Variants in SVIL observed in about 807,000 individuals in gnomAD.
The protein encoded by SVIL is archvillin.
Under a neutral mutation model 240.4 loss-of-function variants are expected in SVIL, and 101 were observed. The ratio of observed to expected loss-of-function variants is 0.42; its 90% CI spans 0.36 to 0.50. The LOEUF (loss-of-function observed/expected upper bound fraction) is 0.50. Among genes scored for constraint, SVIL ranks in the 20% least tolerant of loss-of-function variants. The pLI, the probability that SVIL is intolerant of heterozygous loss-of-function variation, is 0.01. For missense variants in SVIL, 2,512 were observed against 2,818.7 expected (o/e 0.89, Z 2.46); for synonymous variants, 999 against 1,100.0 (o/e 0.91, Z 1.82).
At chr10:29,539,094 G>A (rs1045305170) in intron 6 of SVIL, among the ~76,000 whole-genome samples, 1 of 152,154 alleles carries the variant, frequency 6.6e-6, no homozygotes, top group African/African-American at 2.4e-5. Context: ...GAGCCCAGGA[G>A]TTTGAGGCTG....
chr10:29,707,987 G>C (rs1201846137), intron 1 of SVIL, among the ~76,000 whole-genome samples: 1 of 152,110 alleles, frequency 6.6e-6, no homozygotes, highest in South Asian at 2.1e-4. Context: ...GCCATGCGCG[G>C]TGGCTCACGC....
At chr10:29,721,878 A>G (rs1964003100) in intron 1 of SVIL, among the ~76,000 whole-genome samples, 1 of 152,178 alleles carries the variant, frequency 6.6e-6, no homozygotes, top group Non-Finnish European at 1.5e-5. Context: ...AACTAGTGCT[A>G]TTTTGTCTGG....
intron 27 of SVIL, among the ~76,000 whole-genome samples, chr10:29,482,028 T>TC (rs1946927602): frequency 2.0e-5 from 1 of 50,404 alleles, no homozygotes; most frequent in Non-Finnish European, 3.1e-5. Context: ...TTTCTTTTTT[T>TC]TTTTTTTTTT....
chr10:29,550,572 T>A, intron 6 of SVIL, 25 bp downstream of exon 6: 3 of 1,569,426 alleles, frequency 1.9e-6, no homozygotes, highest in Non-Finnish European at 2.6e-6. Context: ...GCGTTCAGGG[T>A]GCTTAGCGTG....
chr10:29,712,559 G>A (rs1460098515), intron 1 of SVIL, among the ~76,000 whole-genome samples: 1 of 152,182 alleles, frequency 6.6e-6, no homozygotes, highest in Non-Finnish European at 1.5e-5. Flanking sequence ...CAGCAGAATC[G>A]TGAGCCAAAT....
chr10:29,619,620 A>G (rs897889227), intron 1 of SVIL, among the ~76,000 whole-genome samples: 1 of 114,410 alleles, frequency 8.7e-6, no homozygotes, highest in Admixed American at 9.3e-5. Flanking sequence ...GGCAATATCT[A>G]TTTTTAAAGG....
chr10:29,504,382 T>C (rs1949112917), intron 17 of SVIL, among the ~76,000 whole-genome samples: 1 of 152,124 alleles, frequency 6.6e-6, no homozygotes, highest in Admixed American at 6.5e-5. Context: ...TAAAAGACAC[T>C]GTTAAAAGAA....
Position 29,729,331 on chromosome 10 carries a change from C to T in SVIL, c.-400+6420G>A, listed in dbSNP as rs73596081. Among the ~76,000 whole-genome samples, 439 of 152,158 alleles carry T rather than the reference C, an allele frequency of 2.9e-3. 1 individual carries two copies. Among genetic ancestry groups the T allele is most frequent in the African/African-American group, 0.01 (429 of 41,504 alleles). On this transcript the variant is annotated intron_variant, in intron 1 of 35. Coordinates refer to the SVIL transcript ENST00000375400. ...TCAAGAATTTTGTAGCATCCCAAGA[C>T]ATTAAGCAGGAGGAAAAAGTTTGAT... is the stretch of plus-strand genomic sequence containing the variant.
At chr10:29,514,777 A>T (rs550685748) in intron 16 of SVIL, among the ~76,000 whole-genome samples, 5 of 152,292 alleles carry the variant, frequency 3.3e-5, no homozygotes, top group Admixed American at 1.3e-4. Flanking sequence ...CACATCAGGA[A>T]CTGGTCAGAT....
intron 3 of SVIL, among the ~76,000 whole-genome samples, chr10:29,562,425 A>G (rs879526218): frequency 2.6e-5 from 4 of 152,238 alleles, no homozygotes; most frequent in African/African-American, 7.2e-5. Flanking sequence ...TAAAGTCTGC[A>G]CGGGCTGTTC....
chr10:29,660,929 G>A (rs565017859), intron 2 of SVIL, among the ~76,000 whole-genome samples: 1 of 152,134 alleles, frequency 6.6e-6, no homozygotes. Flanking sequence ...AGCACTCTGC[G>A]AGGCTGAGAT....
rs149362990 is a variant in SVIL at position 29,495,872 on chromosome 10, G to A, written c.3665-691C>T. ...TCCTGCATGGAGAAAGTATCCAGCT[G>A]GAAGAAGAAAACTTAGTAAACAGAA... On this transcript the variant is annotated intron_variant, in intron 18 of 37. Coordinates refer to ENST00000355867, the MANE Select transcript of SVIL (RefSeq NM_021738.3). Among the ~76,000 whole-genome samples, 570 of 152,224 alleles carry A rather than the reference G, an allele frequency of 3.7e-3. 5 individuals carry two copies. The highest frequency in any genetic ancestry group is 0.013 in the African/African-American group (543 of 41,526).
At chr10:29,515,787 C>A (rs1247559767) in intron 16 of SVIL, among the ~76,000 whole-genome samples, 10 of 152,198 alleles carry the variant, frequency 6.6e-5, no homozygotes, top group Admixed American at 1.3e-4. Context: ...AAGTCTGGGG[C>A]AAGGACACCA....
At position 29,707,300 on chromosome 10, in the gene SVIL, AC is replaced by A. The variant is rs1403901360; in HGVS notation, c.-399-20650del. 2.6e-5 allele frequency among the ~76,000 whole-genome samples: 4 copies of A among 151,912 alleles called. No homozygotes were observed. In the East Asian group the frequency reaches 7.8e-4, roughly 29 times the overall value. On this transcript the variant is annotated intron_variant, in intron 1 of 35. Coordinates refer to the SVIL transcript ENST00000375400. Reference sequence around the variant, plus strand: ...GGAAAGTTTTTCCATTTGTTTGTGTACTCTCTTATTTCCTTGAGCAGTGGTT... The same window carrying A: ...GGAAAGTTTTTCCATTTGTTTGTGTATCTCTTATTTCCTTGAGCAGTGGTT...
intron 1 of SVIL, among the ~76,000 whole-genome samples, chr10:29,598,344 A>G (rs1956676565): frequency 6.6e-6 from 1 of 152,170 alleles, no homozygotes; most frequent in African/African-American, 2.4e-5. Context: ...CAAACTGTAC[A>G]CTTCAAATGG....
In SVIL at chr10:29,568,671, G is replaced by T. The variant is rs555157437; in HGVS notation, c.-143+584C>A. On this transcript the variant is annotated intron_variant, in intron 2 of 37. Coordinates refer to ENST00000355867, the MANE Select transcript of SVIL (RefSeq NM_021738.3). Reference sequence around the variant, plus strand: ...GTGTCATGGAGTTTTAGCACATTAGGTCAATCAAATTAGCACCCATAATAT... The same window carrying T: ...GTGTCATGGAGTTTTAGCACATTAGTTCAATCAAATTAGCACCCATAATAT... Among the ~76,000 whole-genome samples the T allele has an allele frequency of 8.5e-5, 13 of 152,228 alleles. No individual in the cohort carries two copies. In the South Asian group the frequency reaches 2.7e-3, roughly 32 times the overall value.
At chr10:29,508,940 T>A (rs1406451436) in intron 17 of SVIL, among the ~76,000 whole-genome samples, 2 of 152,232 alleles carry the variant, frequency 1.3e-5, no homozygotes, top group Non-Finnish European at 2.9e-5. Flanking sequence ...TAACGTCGAA[T>A]AAACCGAAAT....
At chr10:29,570,988 A>G (rs1203716764) in intron 1 of SVIL, among the ~76,000 whole-genome samples, 1 of 152,200 alleles carries the variant, frequency 6.6e-6, no homozygotes, top group Non-Finnish European at 1.5e-5. Flanking sequence ...AGAGAATTTG[A>G]AAGCTCCCAA....
Position 29,486,216 on chromosome 10 carries a change from T to C in SVIL, c.4648A>G (p.Lys1550Glu), listed in dbSNP as rs767985423. The C allele has an allele frequency of 1.2e-6, 2 of 1,614,194 alleles. No individual in the cohort carries two copies. The highest frequency in any genetic ancestry group is 1.7e-6 in the Non-Finnish European group (2 of 1,180,022). The change falls in exon 26 of 38, where the codon AAA becomes GAA. Residue 1550 changes from lysine to glutamate, a missense_variant. Transcript: ENST00000355867. The part of the protein sequence containing the change: ...QTSYQSAGDP[K>E]EDELYEAAII... ...GCTGCTTCATAGAGTTCATCTTCTTTTGGGTCTCCAGCAGCTTGGGGATAA... is the reference window on the plus strand; with the variant it reads ...GCTGCTTCATAGAGTTCATCTTCTTCTGGGTCTCCAGCAGCTTGGGGATAA...
Sources: gnomAD v4.1 joint callset for allele counts (sites outside exome capture counted in the v4.1 genomes callset) on GRCh38, gnomAD v4.1.1 for gene constraint, MANE v1.5 for transcripts, NCBI Gene and HGNC (gene_info 2026-07-23, HGNC 2026-07-21) for gene names.